Variants in PRKCE observed in about 807,000 individuals in gnomAD.
PRKCE encodes the protein protein kinase C epsilon type.
In PRKCE, 16 loss-of-function variants were observed where a neutral mutation model predicts 85.4. That is an observed-to-expected ratio of 0.19 (90% confidence interval 0.13 to 0.28). The LOEUF (loss-of-function observed/expected upper bound fraction) is 0.28. PRKCE is among the 10% of genes least tolerant of loss of function. The pLI is 1.00. For missense variants in PRKCE, 573 were observed against 975.2 expected (o/e 0.59, Z 5.49); for synonymous variants, 388 against 371.5 (o/e 1.04, Z -0.51).
intron 1 of PRKCE, among the ~76,000 whole-genome samples, chr2:45,823,394 G>A (rs544877804): frequency 4.9e-4 from 75 of 152,292 alleles, no homozygotes; most frequent in African/African-American, 1.6e-3. Context: ...AATTACTTTC[G>A]CAGACAGGCT....
At chr2:46,141,964 C>T (rs1468848579) in intron 11 of PRKCE, among the ~76,000 whole-genome samples, 2 of 152,142 alleles carry the variant, frequency 1.3e-5, no homozygotes, top group Non-Finnish European at 2.9e-5. Flanking sequence ...ACCATTATTC[C>T]CAGTCCTCCT....
intron 2 of PRKCE, among the ~76,000 whole-genome samples, chr2:45,868,453 C>G (rs539096646): frequency 6.6e-6 from 1 of 151,022 alleles, no homozygotes; most frequent in Admixed American, 6.6e-5. Context: ...GCCCCTTTTT[C>G]CCTCCTGCCA....
At chr2:46,008,047 T>G (rs1705356452) in intron 9 of PRKCE, among the ~76,000 whole-genome samples, 1 of 152,250 alleles carries the variant, frequency 6.6e-6, no homozygotes, top group South Asian at 2.1e-4. Context: ...TTTAATTTGT[T>G]ATGAAGACTT....
intron 13 of PRKCE, among the ~76,000 whole-genome samples, chr2:46,154,477 C>T (rs1315370905): frequency 6.9e-6 from 1 of 144,132 alleles, no homozygotes; most frequent in Non-Finnish European, 1.5e-5. Flanking sequence ...ACCCCCCCGC[C>T]CGCCGCCGCA....
intron 1 of PRKCE, among the ~76,000 whole-genome samples, chr2:45,822,794 T>C (rs1361275338): frequency 2.0e-5 from 3 of 152,240 alleles, no homozygotes; most frequent in African/African-American, 7.2e-5. Flanking sequence ...GTGCTTGCTT[T>C]TTAACCTTCT....
At chr2:46,132,431 C>A (rs1449440903) in intron 11 of PRKCE, among the ~76,000 whole-genome samples, 1 of 152,148 alleles carries the variant, frequency 6.6e-6, no homozygotes, top group African/African-American at 2.4e-5. Flanking sequence ...TCCTGCCTCC[C>A]TCCAAAGCCT....
Position 45,877,010 on chromosome 2 carries a change from T to A in PRKCE, c.412+33947T>A, listed in dbSNP as rs544326180. 3.4e-3 allele frequency among the ~76,000 whole-genome samples: 515 copies of A among 152,368 alleles called. 3 individuals carry two copies. Among genetic ancestry groups the A allele is most frequent in the African/African-American group, 0.011 (456 of 41,588 alleles). ...AAATTACCATTTAAGTATTTATGCC[T>A]ACTTATAAAATTAAAGTTAACCAGA... On this transcript the variant is annotated intron_variant, in intron 2 of 14. Transcript: ENST00000306156.
chr2:45,728,496 G>T (rs1487559662), intron 1 of PRKCE, among the ~76,000 whole-genome samples: 4 of 152,122 alleles, frequency 2.6e-5, no homozygotes, highest in African/African-American at 9.7e-5. Context: ...TGTGCATGCT[G>T]CTTGCTTTGA....
rs763219641 is a variant in PRKCE, at chr2:45,725,860, CA to C, written c.348+73419del. Among the ~76,000 whole-genome samples the C allele has an allele frequency of 2.7e-5, 4 of 150,772 alleles. No individual in the cohort carries two copies. In the East Asian group the frequency reaches 5.8e-4, roughly 22 times the overall value. The stretch of plus-strand genomic sequence containing the variant: ...AAAAACAAAAAACCGCCACCAACAA[CA>C]AAAAAACCCACATTCATGATGCATG... On this transcript the variant is annotated intron_variant, in intron 1 of 14. Coordinates refer to ENST00000306156, the MANE Select transcript of PRKCE (RefSeq NM_005400.3).
chr2:45,988,235 G>C (rs60850482), intron 6 of PRKCE, among the ~76,000 whole-genome samples: 1 of 152,072 alleles, frequency 6.6e-6, no homozygotes, highest in Non-Finnish European at 1.5e-5. Context: ...TGCCATTCCC[G>C]TTCCCATTCC....
At chr2:45,996,666 C>T (rs1435787889) in intron 6 of PRKCE, among the ~76,000 whole-genome samples, 1 of 152,066 alleles carries the variant, frequency 6.6e-6, no homozygotes, top group Non-Finnish European at 1.5e-5. Context: ...GTTGAACCAG[C>T]CTTGCTTGCC....
At chr2:45,986,704 T>G (rs1703353587) in intron 6 of PRKCE, among the ~76,000 whole-genome samples, 1 of 152,010 alleles carries the variant, frequency 6.6e-6, no homozygotes, top group Admixed American at 6.6e-5. Flanking sequence ...ATAGCAATTG[T>G]GGGGACAGAA....
At chr2:45,873,761 C>T (rs561878911) in intron 2 of PRKCE, among the ~76,000 whole-genome samples, 1 of 152,306 alleles carries the variant, frequency 6.6e-6, no homozygotes, top group East Asian at 1.9e-4. Context: ...TCGGTGTGTT[C>T]CCTGAGAGCA....
rs79314049 is a variant in PRKCE, at chr2:45,666,568, C to A, written c.348+14120C>A. ...GTGCTCTGCTCTCCCATATCCCCAT[C>A]CCTGGGATACTCTAACCAGCCATCC... On this transcript the variant is annotated intron_variant, in intron 1 of 14. Transcript: ENST00000306156. Among the ~76,000 whole-genome samples, 410 of 152,088 alleles carry A rather than the reference C, an allele frequency of 2.7e-3. 3 individuals are homozygous for A. Among genetic ancestry groups the A allele is most frequent in the African/African-American group, 9.3e-3 (384 of 41,458 alleles).
intron 1 of PRKCE, among the ~76,000 whole-genome samples, chr2:45,718,015 A>G (rs1680289045): frequency 6.6e-6 from 1 of 152,214 alleles, no homozygotes; most frequent in African/African-American, 2.4e-5. Flanking sequence ...TTGTAGATAC[A>G]TTGTTTTGGT....
chr2:45,716,268 G>A (rs1680076584), intron 1 of PRKCE, among the ~76,000 whole-genome samples: 1 of 152,220 alleles, frequency 6.6e-6, no homozygotes, highest in South Asian at 2.1e-4. Context: ...TGTAATCCTA[G>A]CCCTTTGGGA....
At chr2:45,828,162 A>G (rs1224290924) in intron 1 of PRKCE, among the ~76,000 whole-genome samples, 1 of 152,186 alleles carries the variant, frequency 6.6e-6, no homozygotes, top group Non-Finnish European at 1.5e-5. Flanking sequence ...TCTGGAATAT[A>G]AAAAATGTGG....
chr2:46,013,918 A>T (rs1335729531), intron 10 of PRKCE, among the ~76,000 whole-genome samples: 2 of 152,210 alleles, frequency 1.3e-5, no homozygotes, highest in Non-Finnish European at 2.9e-5. Context: ...CATATCTAAT[A>T]CGGTGACCAA....
chr2:46,159,446 G>C lies in PRKCE; in HGVS notation c.1921-160G>C, dbSNP rs1164302229. Among the ~76,000 whole-genome samples, 2 of 152,224 alleles carry C rather than the reference G, an allele frequency of 1.3e-5. No homozygotes were observed. Among genetic ancestry groups the C allele is most frequent in the African/African-American group, 4.8e-5 (2 of 41,454 alleles). On this transcript the variant is annotated intron_variant, in intron 13 of 14. Transcript: ENST00000306156. The surrounding 1 kb of genome is among the most constrained non-coding windows in gnomAD (Gnocchi z 4.1). ...CTGGGACATAGTCAATTCTATGTAA[G>C]AGTTAAAGAAAACCCAACAGATGTG...
Sources: gnomAD v4.1 joint callset for allele counts (sites outside exome capture counted in the v4.1 genomes callset) on GRCh38, gnomAD v4.1.1 for gene constraint, Gnocchi (gnomAD v3.1) non-coding constraint, MANE v1.5 for transcripts, NCBI Gene and HGNC (gene_info 2026-07-23, HGNC 2026-07-21) for gene names.